The following SYNE1 variants were observed in gnomAD, a reference collection of about 807,000 sequenced individuals.
SYNE1 encodes spectrin repeat containing nuclear envelope protein 1.
In SYNE1, 616 loss-of-function variants were observed where a neutral mutation model predicts 1,111.0. The observed-to-expected ratio is 0.55, with a 90% CI of 0.52 to 0.59. SYNE1 has a LOEUF of 0.59. Among genes scored for constraint, SYNE1 ranks in the 20% least tolerant of loss-of-function variants. The pLI is 0.00. For missense variants in SYNE1, 10,006 were observed against 10,417.0 expected, an observed-to-expected ratio of 0.96 and a Z score of 1.72; for synonymous variants, 3,855 against 3,825.8, an observed-to-expected ratio of 1.01 and a Z score of -0.28.
intron 116 of SYNE1, 97 bp downstream of exon 116, chr6:152,225,624 G>T: frequency 3.5e-6 from 5 of 1,414,256 alleles, no homozygotes; most frequent in South Asian, 2.3e-5. Flanking sequence ...GTATAGATTT[G>T]ATTATTTCCT....
At position 152,390,274 on chromosome 6, in the gene SYNE1, C is replaced by G. The variant is rs376257090; in HGVS notation, c.8177+6G>C. 1.2e-6 allele frequency: 2 copies of G among 1,613,978 alleles called. No individual in the cohort carries two copies. The highest frequency in any genetic ancestry group is 1.7e-5 in the Admixed American group (1 of 60,008). ...CTTAAACAAACTCTAAAAATAGGTT[C>G]TGTACCTTTGAGCGTGGACGGAGGA... is the stretch of plus-strand genomic sequence containing the variant. On this transcript the variant is annotated splice_donor_region_variant and intron_variant, in intron 53 of 145. Coordinates refer to ENST00000367255, the MANE Select transcript of SYNE1 (RefSeq NM_182961.4).
chr6:152,325,341 G>A (rs970154250), intron 80 of SYNE1, 39 bp from the exon 81 acceptor site: 20 of 1,593,218 alleles, frequency 1.3e-5, no homozygotes, highest in Non-Finnish European at 1.7e-5. Context: ...AGGAGACAAG[G>A]GAGAGATCAA....
At chr6:152,256,866 A>G in intron 101 of SYNE1, 101 bp from the exon 102 acceptor site, 1 of 1,554,478 alleles carries the variant, frequency 6.4e-7, no homozygotes, top group Non-Finnish European at 8.8e-7. Context: ...AACACTGTCC[A>G]TATGAAAATT....
intron 41 of SYNE1, among the ~76,000 whole-genome samples, chr6:152,415,787 G>A (rs1221052542): frequency 2.8e-5 from 2 of 70,314 alleles, no homozygotes; most frequent in East Asian, 5.6e-4. Context: ...TCTTCAAAGT[G>A]GTAAAAAAAA....
chr6:152,421,101 G>A (rs2098252074), intron 39 of SYNE1, among the ~76,000 whole-genome samples: 1 of 152,180 alleles, frequency 6.6e-6, no homozygotes. Context: ...CCAATGAAAA[G>A]CCCTTGGGAA....
rs1177733626 is a variant in SYNE1 at position 152,148,200 on chromosome 6, G to A, written c.24821C>T (p.Thr8274Ile). ...GGGGATGGAGTCCACACTAGCCGGG[G>A]TGTCTCGTCCTGACCGCTCGCTCCG... ...PLRSERSGRD[T>I]PASVDSIPLE... The change falls in exon 137 of 146, where the codon ACC becomes ATC. Residue 8274 changes from threonine (T) to isoleucine (I), a missense_variant. Physicochemically the swap from Thr to Ile is moderately conservative, Grantham distance 89 (BLOSUM62 -1). Coordinates refer to ENST00000367255, the MANE Select transcript of SYNE1 (RefSeq NM_182961.4). This position sits in a 1 kb window ranked among gnomAD's most constrained non-coding sequence, Gnocchi z 4.1. 7.4e-6 allele frequency: 12 copies of A among 1,614,212 alleles called. No individual in the cohort carries two copies. Among genetic ancestry groups the A allele is most frequent in the Non-Finnish European group, 1.0e-5 (12 of 1,180,042 alleles).
At chr6:152,202,027 T>G (rs1396776690) in intron 126 of SYNE1, 78 bp from the exon 127 acceptor site, 1 of 1,537,758 alleles carries the variant, frequency 6.5e-7, no homozygotes, top group Non-Finnish European at 8.9e-7. Context: ...AGAAACACTC[T>G]TCTTCATTCC....
chr6:152,218,197 A>G (rs1016547997), intron 121 of SYNE1, 60 bp downstream of exon 121: 8 of 1,606,904 alleles, frequency 5.0e-6, no homozygotes, highest in Non-Finnish European at 6.8e-6. Flanking sequence ...ATCTCAAAAA[A>G]AAAAAGATTT....
intron 62 of SYNE1, among the ~76,000 whole-genome samples, chr6:152,366,661 T>C (rs1227055565): frequency 6.6e-6 from 1 of 152,220 alleles, no homozygotes; most frequent in African/African-American, 2.4e-5. Context: ...TTGTCTTCTA[T>C]ATTTCGACCT....
chr6:152,434,309 A>G, intron 33 of SYNE1: 1 of 241,084 alleles, frequency 4.1e-6, no homozygotes, highest in Non-Finnish European at 8.1e-6. Flanking sequence ...ATTTCAGTGT[A>G]CACAGCTTTT....
intron 6 of SYNE1, among the ~76,000 whole-genome samples, chr6:152,513,625 C>T (rs116473894): frequency 0.076 from 11,522 of 152,156 alleles, 516 homozygotes; most frequent in African/African-American, 0.11. Context: ...TGAGCCACCA[C>T]GCTGGGCCCA....
chr6:152,293,949 T>G lies in SYNE1; in HGVS notation c.17850+11A>C. The G allele has an allele frequency of 1.2e-6, 2 of 1,614,094 alleles. No homozygotes were observed. Among genetic ancestry groups the G allele is most frequent in the Non-Finnish European group, 8.5e-7 (1 of 1,180,020 alleles). ...CTGGTGGGCATAAACTAGTCCACCT[T>G]GAAGACTTACCACATTCTTTAAGGT... On this transcript the variant is annotated intron_variant, in intron 94 of 145. Coordinates refer to ENST00000367255, the MANE Select transcript of SYNE1 (RefSeq NM_182961.4).
At chr6:152,332,086 T>C (rs2096261707) in intron 77 of SYNE1, among the ~76,000 whole-genome samples, 196 bp from the exon 78 acceptor site, 1 of 152,214 alleles carries the variant, frequency 6.6e-6, no homozygotes, top group African/African-American at 2.4e-5. Flanking sequence ...GCGATTCTCC[T>C]GCCTCAGCCT....
intron 61 of SYNE1, 43 bp from the exon 62 acceptor site, chr6:152,367,425 A>G: frequency 1.2e-6 from 2 of 1,610,106 alleles, no homozygotes; most frequent in African/African-American, 1.3e-5. Context: ...CATCCCACAG[A>G]GACAAACTGC....
rs2099162497 is a variant in SYNE1, at chr6:152,526,139, C to T, written c.166G>A (p.Asp56Asn). 2.5e-6 allele frequency: 4 copies of T among 1,614,122 alleles called. No homozygotes were observed. The highest frequency in any genetic ancestry group is 3.4e-6 in the Non-Finnish European group (4 of 1,180,002). Residue 56 changes from aspartate (D) to asparagine (N), a missense_variant, in exon 5 of 146, where the codon GAC (aspartate) becomes AAC (asparagine). Physicochemically the swap from Asp to Asn is conservative, Grantham distance 23 (BLOSUM62 1). This residue lies in a region of SYNE1 where 1,971 missense variants were observed against 2,084.1 expected (regional missense o/e 0.95). Transcript: ENST00000367255. ...AGCAGTTTAACACCATCTTTCATGTCTTCAAAAAGATCGTCCACCACCATT... is the reference window on the plus strand; with the variant it reads ...AGCAGTTTAACACCATCTTTCATGTTTTCAAAAAGATCGTCCACCACCATT... ...PPMVVDDLFE[D>N]MKDGVKLLAL...
At chr6:152,259,891 C>T (rs887609632) in intron 101 of SYNE1, among the ~76,000 whole-genome samples, 2 of 152,082 alleles carry the variant, frequency 1.3e-5, no homozygotes, top group Non-Finnish European at 2.9e-5. Flanking sequence ...ACATTCAATG[C>T]TTTTATTTCT....
At position 152,139,937 on chromosome 6, in the gene SYNE1, A is replaced by C; in HGVS notation, c.25458+13T>G. On this transcript the variant is annotated intron_variant, in intron 140 of 145. Transcript: ENST00000367255. The stretch of plus-strand genomic sequence containing the variant: ...TCTGTTTGTCCGCCGTGGGAAAGGC[A>C]AGGGGCAGCTACCTTGAGCTTTTTG... The C allele has an allele frequency of 6.2e-7, 1 of 1,612,712 alleles. No homozygotes were observed. The highest frequency in any genetic ancestry group is 8.5e-7 in the Non-Finnish European group (1 of 1,179,986).
intron 8 of SYNE1, among the ~76,000 whole-genome samples, chr6:152,506,973 C>T (rs185131618): frequency 5.3e-4 from 80 of 152,240 alleles, no homozygotes; most frequent in Middle Eastern, 3.4e-3. Flanking sequence ...CATCATTGAG[C>T]TTGATCATTG....
At chr6:152,228,787 T>C (rs890877169) in intron 115 of SYNE1, among the ~76,000 whole-genome samples, 1 of 152,198 alleles carries the variant, frequency 6.6e-6, no homozygotes. Flanking sequence ...TCTGGATTAC[T>C]TGTAGATTTT....
Sources: allele counts gnomAD v4.1 joint callset (sites outside exome capture counted in the v4.1 genomes callset), GRCh38; gene constraint gnomAD v4.1.1; regional missense constraint gnomAD v4.1.1; non-coding constraint Gnocchi (gnomAD v3.1); transcripts MANE v1.5; gene names NCBI Gene and HGNC (gene_info 2026-07-23, HGNC 2026-07-21).